The following TRMT11 variants were observed in gnomAD, a reference collection of about 807,000 sequenced individuals.
The protein encoded by TRMT11 is tRNA methyltransferase 11.
TRMT11 carries 53 observed loss-of-function variants against 62.8 expected under a neutral mutation model. The observed-to-expected ratio is 0.84, with a 90% CI of 0.68 to 1.06. The LOEUF is 1.06. Among genes scored for constraint, TRMT11 ranks in the 50% least tolerant of loss-of-function variants. The pLI is 0.00. For synonymous variants in TRMT11, 188 were observed against 190.3 expected (o/e 0.99, Z 0.10); for missense variants, 556 against 553.4 (o/e 1.00, Z -0.05).
chr6:125,997,152 T>C (rs1791651975), intron 3 of TRMT11, among the ~76,000 whole-genome samples: 1 of 152,208 alleles, frequency 6.6e-6, no homozygotes, highest in South Asian at 2.1e-4. Flanking sequence ...TTATTATCTA[T>C]ATATTTTGTG....
the TRMT11 span, among the ~76,000 whole-genome samples, chr6:126,265,609 G>A: frequency 2.0e-5 from 3 of 151,672 alleles, no homozygotes; most frequent in African/African-American, 2.4e-5. Flanking sequence ...TAAGTTTATA[G>A]CTTTTACCTT....
chr6:126,088,116 CTATA>C (rs113726633), intron 17 of TRMT11, among the ~76,000 whole-genome samples: 33 of 151,152 alleles, frequency 2.2e-4, no homozygotes, highest in African/African-American at 7.3e-4. Flanking sequence ...AGTACATAGT[CTATA>C]TAGTATATAT....
chr6:126,020,933 TTC>T (rs766178154), intron 11 of TRMT11, among the ~76,000 whole-genome samples: 21 of 152,206 alleles, frequency 1.4e-4, no homozygotes, highest in Non-Finnish European at 2.6e-4. Flanking sequence ...CTTACAATAT[TTC>T]TCTCTCTCTT....
chr6:126,263,410 T>G, the TRMT11 span, among the ~76,000 whole-genome samples: 1 of 150,660 alleles, frequency 6.6e-6, no homozygotes. Flanking sequence ...CTTCTTTATC[T>G]ATTTCCTCTT....
At chr6:126,201,438 A>G (rs1439093754) in intron 3 of TRMT11, among the ~76,000 whole-genome samples, 6 of 152,174 alleles carry the variant, frequency 3.9e-5, no homozygotes, top group African/African-American at 1.4e-4. Context: ...TTTATCCTAC[A>G]TACTCCATAT....
chr6:125,991,475 G>A (rs1247603062), intron 1 of TRMT11, among the ~76,000 whole-genome samples: 1 of 151,870 alleles, frequency 6.6e-6, no homozygotes. Flanking sequence ...GTTGGTGTGA[G>A]GGGGCGGGAG....
At chr6:126,034,651 A>C (rs1442529935) in intron 12 of TRMT11, among the ~76,000 whole-genome samples, 9 of 152,002 alleles carry the variant, frequency 5.9e-5, no homozygotes, top group African/African-American at 1.7e-4. Flanking sequence ...GTGTGTTTTT[A>C]TTTTTCCATC....
chr6:126,244,626 A>C, the TRMT11 span, among the ~76,000 whole-genome samples: 2 of 152,248 alleles, frequency 1.3e-5, no homozygotes, highest in South Asian at 4.1e-4. Context: ...GATGGATTCT[A>C]GACAGATATA....
rs778111134 is a variant in TRMT11, at chr6:126,067,199, CAAAA to C, written c.*1437+14023_*1437+14026del. Among the ~76,000 whole-genome samples, 5 of 96,342 alleles carry C rather than the reference CAAAA, an allele frequency of 5.2e-5. No homozygotes were observed. The East Asian group carries it at 1.3e-3, about 25-fold the overall frequency. The allele number at this position is 96,342 out of a possible 152,430, so 63.2% of individuals were successfully genotyped here. On this transcript the variant is annotated intron_variant and NMD_transcript_variant, in intron 17 of 22. Transcript: ENST00000648977. ...TGGGCGACAGAGTGAGACTCCTTCT[CAAAA>C]AAAAAAAAAAAAAGTTGTTTTGCCA...
intron 21 of TRMT11, among the ~76,000 whole-genome samples, chr6:126,150,050 G>A (rs1349961731): frequency 2.0e-5 from 3 of 152,162 alleles, no homozygotes; most frequent in East Asian, 1.9e-4. Flanking sequence ...GTATTGAGAG[G>A]TGAGGCCTTT....
intron 21 of TRMT11, among the ~76,000 whole-genome samples, chr6:126,168,750 C>T (rs571223385): frequency 6.6e-6 from 1 of 152,264 alleles, no homozygotes; most frequent in South Asian, 2.1e-4. Context: ...AATTCCTGAC[C>T]TTGTGATCTG....
intron 21 of TRMT11, among the ~76,000 whole-genome samples, chr6:126,133,211 TA>T (rs2128208022): frequency 6.6e-6 from 1 of 152,160 alleles, no homozygotes; most frequent in East Asian, 1.9e-4. Flanking sequence ...TGCAGTTTTT[TA>T]GTTACTTCTA....
chr6:126,261,425 TC>T, the TRMT11 span, among the ~76,000 whole-genome samples: 2 of 152,200 alleles, frequency 1.3e-5, no homozygotes, highest in African/African-American at 4.8e-5. Flanking sequence ...TTTGTTAATA[TC>T]CTTTTTTTTG....
intron 12 of TRMT11, among the ~76,000 whole-genome samples, chr6:126,030,862 T>C (rs1231188128): frequency 1.3e-5 from 2 of 152,218 alleles, no homozygotes; most frequent in South Asian, 2.1e-4. Flanking sequence ...TTTTAAAGAA[T>C]AGTGATTTTA....
At chr6:126,251,556 C>T in the TRMT11 span, among the ~76,000 whole-genome samples, 1 of 152,048 alleles carries the variant, frequency 6.6e-6, no homozygotes, top group East Asian at 1.9e-4. Flanking sequence ...TGTTGTACAA[C>T]ATATCTCCTC....
chr6:126,139,437 T>C (rs976163831), intron 21 of TRMT11, among the ~76,000 whole-genome samples: 4 of 152,088 alleles, frequency 2.6e-5, no homozygotes, highest in Non-Finnish European at 4.4e-5. Context: ...GGTGTGATCT[T>C]GGCTCACTGC....
At chr6:126,192,428 C>T (rs577384988) in intron 1 of TRMT11, among the ~76,000 whole-genome samples, 1 of 152,036 alleles carries the variant, frequency 6.6e-6, no homozygotes, top group Non-Finnish European at 1.5e-5. Flanking sequence ...TGAATGCCTT[C>T]TTTTCCTTTC....
chr6:126,034,578 GA>G (rs1332163064), intron 12 of TRMT11, among the ~76,000 whole-genome samples: 1 of 152,082 alleles, frequency 6.6e-6, no homozygotes, highest in Non-Finnish European at 1.5e-5. Context: ...CAATGGTTAA[GA>G]AATTTGGAAA....
At chr6:126,048,350 CT>C (rs1280873345) in intron 16 of TRMT11, among the ~76,000 whole-genome samples, 1 of 152,166 alleles carries the variant, frequency 6.6e-6, no homozygotes, top group Non-Finnish European at 1.5e-5. Flanking sequence ...CAATACCCTC[CT>C]TGAGGAGCCT....
Sources: allele counts gnomAD v4.1 joint callset (sites outside exome capture counted in the v4.1 genomes callset), GRCh38; gene constraint gnomAD v4.1.1; transcripts MANE v1.5; gene names NCBI Gene and HGNC (gene_info 2026-07-23, HGNC 2026-07-21).